The following ARID3A variants were observed in gnomAD, a reference collection of about 807,000 sequenced individuals.
ARID3A encodes AT-rich interaction domain 3A, also known as AT-rich interactive domain-containing protein 3A.
Under a neutral mutation model 52.7 loss-of-function variants are expected in ARID3A, and 11 were observed. The ratio of observed to expected loss-of-function variants is 0.21; its 90% CI spans 0.13 to 0.35. The LOEUF (loss-of-function observed/expected upper bound fraction) is 0.35. Among genes scored for constraint, ARID3A ranks in the 10% least tolerant of loss-of-function variants. The pLI is 1.00. For synonymous variants in ARID3A, 404 were observed against 359.4 expected, an observed-to-expected ratio of 1.12 and a Z score of -1.40; for missense variants, 721 against 838.5, an observed-to-expected ratio of 0.86 and a Z score of 1.73.
chr19:957,018 C>T (rs1037769252), intron 3 of ARID3A, among the ~76,000 whole-genome samples: 2 of 152,218 alleles, frequency 1.3e-5, no homozygotes, highest in East Asian at 1.9e-4. Flanking sequence ...TGGTATTTGT[C>T]GCAGCTCCTC....
chr19:940,920 G>A (rs2037535940), intron 3 of ARID3A, among the ~76,000 whole-genome samples: 1 of 152,086 alleles, frequency 6.6e-6, no homozygotes, highest in Admixed American at 6.5e-5. Context: ...CGGGCGAGGG[G>A]TGGGTGGGTG....
In ARID3A at chr19:974,360, C is replaced by T. The variant is rs781745147; in HGVS notation, c.*2295C>T. ...GCCAGCACCGTAGCAGCACAATCAC[C>T]CCGGGAAGGGGGTGTCTGTTTGCCT... On this transcript the variant is annotated 3_prime_UTR_variant, in exon 9 of 9. Coordinates refer to ENST00000263620, the MANE Select transcript of ARID3A (RefSeq NM_005224.3). The T allele has an allele frequency of 8.7e-6, 2 of 229,254 alleles. No homozygotes were observed. The highest frequency in any genetic ancestry group is 4.4e-5 in the African/African-American group (2 of 45,054). 14.2% of individuals were successfully genotyped at this position (229,254 alleles called of 1,614,324 possible). A position where few individuals can be genotyped will look rare whatever the true frequency, so the allele number is the denominator to read the frequency against.
At chr19:957,546 C>A (rs1199615159) in intron 3 of ARID3A, among the ~76,000 whole-genome samples, 2 of 152,202 alleles carry the variant, frequency 1.3e-5, no homozygotes, top group South Asian at 4.1e-4. Flanking sequence ...TAAATTGTGT[C>A]CCCCAAAGAA....
At position 929,957 on chromosome 19, in the gene ARID3A, G is replaced by A; in HGVS notation, c.368+61G>A. 1.3e-6 allele frequency: 2 copies of A among 1,529,568 alleles called. No individual in the cohort carries two copies. The highest frequency in any genetic ancestry group is 2.0e-5 in the Admixed American group (1 of 50,052). 94.7% of individuals were successfully genotyped at this position (1,529,568 alleles called of 1,614,324 possible). A position where few individuals can be genotyped will look rare whatever the true frequency, so the allele number is the denominator to read the frequency against. ...TGTTACTGGCTCTGAGTGTCACTCT[G>A]CTCATCTGCAGAATGGGAGTAAGGG... On this transcript the variant is annotated intron_variant, in intron 2 of 8. Transcript: ENST00000263620. This position sits in a 1 kb window ranked among gnomAD's most constrained non-coding sequence, Gnocchi z 6.2.
rs1054142289 is a variant in ARID3A, at chr19:973,469, G to A, written c.*1404G>A. 2.8e-5 allele frequency: 6 copies of A among 212,162 alleles called. No homozygotes were observed. The highest frequency in any genetic ancestry group is 1.9e-4 in the South Asian group (1 of 5,336). 13.1% of individuals were successfully genotyped at this position (212,162 alleles called of 1,614,324 possible). On this transcript the variant is annotated 3_prime_UTR_variant, in exon 9 of 9. Transcript: ENST00000263620. Reference sequence around the variant, plus strand: ...GTGCTGGAAAAAGGGCCTGGGGGGCGGGGGTGGTTCTTGTCGAAGCCCCCA... The same window carrying A: ...GTGCTGGAAAAAGGGCCTGGGGGGCAGGGGTGGTTCTTGTCGAAGCCCCCA...
chr19:942,749 G>T lies in ARID3A; in HGVS notation c.693+10007G>T, dbSNP rs552694909. On this transcript the variant is annotated intron_variant, in intron 3 of 8. Transcript: ENST00000263620. The surrounding 1 kb of genome is among the most constrained non-coding windows in gnomAD (Gnocchi z 8.1). ...ATGTCCAGAAGCCACGCTGGACATA[G>T]TGCCCAGATTCCATGCCCAGCAGCC... 1.2e-4 allele frequency among the ~76,000 whole-genome samples: 18 copies of T among 152,338 alleles called. No homozygotes were observed. Among genetic ancestry groups the T allele is most frequent in the African/African-American group, 4.1e-4 (17 of 41,584 alleles).
rs35592836 is a variant in ARID3A at position 948,702 on chromosome 19, C to CTTT, written c.694-11367_694-11365dup. Among the ~76,000 whole-genome samples, 207 of 77,278 alleles carry CTTT rather than the reference C, an allele frequency of 2.7e-3. 3 individuals are homozygous for CTTT. Among genetic ancestry groups the CTTT allele is most frequent in the African/African-American group, 4.4e-3 (83 of 19,048 alleles). 50.7% of individuals were successfully genotyped at this position (77,278 alleles called of 152,430 possible). On this transcript the variant is annotated intron_variant, in intron 3 of 8. Transcript: ENST00000263620. The stretch of plus-strand genomic sequence containing the variant: ...GGGGACGAGGGATGAGGCCTGGAGT[C>CTTT]TTTTTTTTTTTTTTTTTTTTTTTTT...
intron 3 of ARID3A, among the ~76,000 whole-genome samples, chr19:934,407 G>A (rs560729503): frequency 1.8e-4 from 28 of 152,348 alleles, no homozygotes; most frequent in Middle Eastern, 3.4e-3. Flanking sequence ...TGTCCTGAGC[G>A]AAGGCAGGAG....
At position 960,234 on chromosome 19, in the gene ARID3A, C is replaced by T. The variant is rs1320431538; in HGVS notation, c.766+70C>T. 4 of 1,436,574 alleles carry T rather than the reference C, an allele frequency of 2.8e-6. No individual in the cohort carries two copies. In the East Asian group the frequency reaches 1.0e-4, roughly 36 times the overall value. The allele number at this position is 1,436,574 out of a possible 1,614,324, so 89.0% of individuals were successfully genotyped here. On this transcript the variant is annotated intron_variant, in intron 4 of 8. Transcript: ENST00000263620. The surrounding 1 kb of genome is among the most constrained non-coding windows in gnomAD (Gnocchi z 4.3). ...AGGGCTGTAGGAGGGGCCCTACTGG[C>T]TCCAGGTATGTCGGGGCGGTGGTGA... is the stretch of plus-strand genomic sequence containing the variant.
intron 3 of ARID3A, among the ~76,000 whole-genome samples, chr19:958,817 C>T (rs1405333367): frequency 2.6e-5 from 4 of 152,022 alleles, no homozygotes; most frequent in Admixed American, 2.0e-4. Context: ...GGAGTGAACC[C>T]GGGAGGCGGA....
chr19:937,776 G>A (rs1169857674), intron 3 of ARID3A, among the ~76,000 whole-genome samples: 5 of 142,766 alleles, frequency 3.5e-5, no homozygotes, highest in Non-Finnish European at 4.5e-5. Context: ...GGGCGATCTC[G>A]GCTCACTGCA....
chr19:971,827 C>T (rs1229214943), intron 8 of ARID3A, 51 bp from the exon 9 acceptor site: 3 of 1,545,250 alleles, frequency 1.9e-6, no homozygotes, highest in Admixed American at 2.1e-5. Context: ...TGTGGCCCGC[C>T]TCGCATCTTC....
intron 2 of ARID3A, 115 bp from the exon 3 acceptor site, chr19:932,296 GCGGCGGC>G: frequency 6.5e-7 from 1 of 1,530,986 alleles, no homozygotes; most frequent in East Asian, 2.4e-5. Context: ...GTCTGAGCTG[GCGGCGGC>G]CGGCTCTTCC....
intron 3 of ARID3A, among the ~76,000 whole-genome samples, chr19:934,936 G>C (rs546168878): frequency 4.6e-5 from 7 of 152,162 alleles, no homozygotes; most frequent in South Asian, 2.1e-4. Context: ...TGGGCTGTTC[G>C]TGGCAGGTCC....
chr19:964,252 A>G lies in ARID3A; in HGVS notation c.771A>G (p.Thr257=). The G allele has an allele frequency of 3.1e-6, 5 of 1,609,328 alleles. No homozygotes were observed. The highest frequency in any genetic ancestry group is 8.5e-7 in the Non-Finnish European group (1 of 1,176,416). Residue 257 remains threonine, a synonymous_variant, in exon 5 of 9, where the codon ACA becomes ACG. Transcript: ENST00000263620. The surrounding 1 kb of genome is among the most constrained non-coding windows in gnomAD (Gnocchi z 5.7). The part of the protein sequence containing the change: ...DLFSFMQKRG[T]PVNRIPIMAK... Reference sequence around the variant, plus strand: ...CCCTCTCGCCCCTTCCCCCAGGGACACCTGTGAACCGCATCCCCATCATGG... The same window carrying G: ...CCCTCTCGCCCCTTCCCCCAGGGACGCCTGTGAACCGCATCCCCATCATGG...
rs779427974 is a variant in ARID3A, at chr19:964,972, G to C, written c.1090G>C (p.Gly364Arg). Residue 364 changes from glycine to arginine, a missense_variant, in exon 6 of 9, where the codon GGC (glycine) becomes CGC (arginine). Gly to Arg is a moderately radical substitution (Grantham distance 125). This residue lies in a region of ARID3A where 297 missense variants were observed against 343.2 expected (regional missense o/e 0.87). Transcript: ENST00000263620. The surrounding 1 kb of genome is among the most constrained non-coding windows in gnomAD (Gnocchi z 5.7). ...TGGCTCCCTCTTTGCCTACTCGCCA[G>C]GCGGGGCACACGGCATGCTCTCCTC... ...FGGSLFAYSPGGAHGMLSSPK... is the reference protein window; with the variant it reads ...FGGSLFAYSPRGAHGMLSSPK... The C allele has an allele frequency of 6.2e-7, 1 of 1,613,862 alleles. No individual in the cohort carries two copies. Among genetic ancestry groups the C allele is most frequent in the Admixed American group, 1.7e-5 (1 of 60,008 alleles).
chr19:968,611 G>A, intron 8 of ARID3A, 108 bp downstream of exon 8: 1 of 993,168 alleles, frequency 1.0e-6, no homozygotes, highest in Admixed American at 2.1e-5. Context: ...AGGTGTGCGG[G>A]CGAGCAGGGC....
intron 3 of ARID3A, among the ~76,000 whole-genome samples, chr19:932,983 G>A (rs1383078075): frequency 1.3e-5 from 2 of 152,182 alleles, no homozygotes; most frequent in African/African-American, 2.4e-5. Flanking sequence ...AACCTGGGGG[G>A]CTCCACGGCC....
chr19:926,536 C>T (rs2037203832), intron 1 of ARID3A, among the ~76,000 whole-genome samples: 1 of 151,816 alleles, frequency 6.6e-6, no homozygotes, highest in African/African-American at 2.4e-5. Context: ...TATTCTTTCT[C>T]CCCGAAATCA....
Sources: gnomAD v4.1 joint callset for allele counts (sites outside exome capture counted in the v4.1 genomes callset) on GRCh38, gnomAD v4.1.1 for gene constraint, gnomAD v4.1.1 regional missense constraint, Gnocchi (gnomAD v3.1) non-coding constraint, MANE v1.5 for transcripts, NCBI Gene and HGNC (gene_info 2026-07-23, HGNC 2026-07-21) for gene names.